LTBP2: variants seen among roughly 807,000 people sequenced by gnomAD.
The protein encoded by LTBP2 is latent transforming growth factor beta binding protein 2, also known as latent-transforming growth factor beta-binding protein 2.
Under a neutral mutation model 210.6 loss-of-function variants are expected in LTBP2, and 103 were observed. That is an observed-to-expected ratio of 0.49 (90% CI 0.42 to 0.58). The LOEUF is 0.58. LTBP2 is among the 20% of genes least tolerant of loss of function. The pLI, the probability that LTBP2 is intolerant of heterozygous loss-of-function variation, is 0.00. For synonymous variants in LTBP2, 1,007 were observed against 1,015.0 expected (o/e 0.99, Z 0.15); for missense variants, 2,313 against 2,494.5 (o/e 0.93, Z 1.55).
chr14:74,551,459 G>T, intron 6 of LTBP2, 109 bp from the exon 7 acceptor site: 1 of 1,078,422 alleles, frequency 9.3e-7, no homozygotes, highest in Non-Finnish European at 1.3e-6. Flanking sequence ...CTGGCTATGT[G>T]TCACCCCAAA....
In LTBP2 at chr14:74,498,651, G is replaced by A. The variant is rs2086877209; in HGVS notation, c.*2233C>T. The A allele has an allele frequency of 4.3e-6, 1 of 232,076 alleles. No homozygotes were observed. The highest frequency in any genetic ancestry group is 5.6e-5 in the Admixed American group (1 of 17,734). The allele number at this position is 232,076 out of a possible 1,614,324, so 14.4% of individuals were successfully genotyped here. ...GCAGGAAGGTGGAGATTGGAGTGTT[G>A]TGGGGGCAGTGGGAACAGCAGTTAC... On this transcript the variant is annotated 3_prime_UTR_variant, in exon 36 of 36. Coordinates refer to ENST00000261978, the MANE Select transcript of LTBP2 (RefSeq NM_000428.3).
intron 3 of LTBP2, among the ~76,000 whole-genome samples, chr14:74,564,367 TTA>T (rs372887593): frequency 0.12 from 3,981 of 33,026 alleles, 973 homozygotes; most frequent in Non-Finnish European, 0.22. Context: ...ATATATATAT[TTA>T]TATATATATA....
At chr14:74,507,609 T>C (rs1367865858) in intron 25 of LTBP2, among the ~76,000 whole-genome samples, 1 of 152,230 alleles carries the variant, frequency 6.6e-6, no homozygotes, top group Non-Finnish European at 1.5e-5. Flanking sequence ...TACTTCTCTT[T>C]ACACGAAGCC....
intron 31 of LTBP2, 102 bp from the exon 32 acceptor site, chr14:74,503,708 C>T (rs76132917): frequency 0.01 from 15,238 of 1,507,518 alleles, 87 homozygotes; most frequent in Non-Finnish European, 0.013. Context: ...GAGTTAGTGC[C>T]CTGCCTCCCT....
At position 74,549,849 on chromosome 14, in the gene LTBP2, A is replaced by C; in HGVS notation, c.1789+14T>G. Reference sequence around the variant, plus strand: ...CTTCCTCCACAACACGTGACCTTGGACTCCAGCACTCACCTGGTCTGGGTG... The same window carrying C: ...CTTCCTCCACAACACGTGACCTTGGCCTCCAGCACTCACCTGGTCTGGGTG... On this transcript the variant is annotated intron_variant, in intron 8 of 35. Transcript: ENST00000261978. 1 of 1,606,710 alleles carries C rather than the reference A, an allele frequency of 6.2e-7. No individual in the cohort carries two copies. Among genetic ancestry groups the C allele is most frequent in the Non-Finnish European group, 8.5e-7 (1 of 1,173,584 alleles).
chr14:74,561,388 A>G (rs186939218), intron 3 of LTBP2, among the ~76,000 whole-genome samples: 1 of 152,330 alleles, frequency 6.6e-6, no homozygotes, highest in East Asian at 1.9e-4. Flanking sequence ...TTTTATATAC[A>G]TCATCTTATC....
chr14:74,509,241 C>T lies in LTBP2; in HGVS notation c.3400G>A (p.Glu1134Lys), dbSNP rs748396734. The T allele has an allele frequency of 2.5e-6, 4 of 1,613,618 alleles. No individual in the cohort carries two copies. The highest frequency in any genetic ancestry group is 1.6e-4 in the Middle Eastern group (1 of 6,062). ...YRPSPLGDSC[E>K]DVDECEDPQS... ...TCTCCCACACAGAGGCTCATACCTTCACAGGAGTCACCCAGGGGGCTGGGC... is the reference window on the plus strand; with the variant it reads ...TCTCCCACACAGAGGCTCATACCTTTACAGGAGTCACCCAGGGGGCTGGGC... The change falls in exon 22 of 36, where the codon GAA (glutamate) becomes AAA (lysine). Residue 1134 changes from glutamate (E) to lysine (K), a missense_variant. Physicochemically the swap from Glu to Lys is moderately conservative, Grantham distance 56 (BLOSUM62 1). Coordinates refer to ENST00000261978, the MANE Select transcript of LTBP2 (RefSeq NM_000428.3).
rs986189142 is a variant in LTBP2, at chr14:74,506,787, C to T, written c.3944G>A (p.Ser1315Asn). ...ATCAGTGTTGTCACAGAAGCCGTGG[C>T]TGCCACACATGGTGTCGTTGGCGCA... ...DECANDTMCG[S>N]HGFCDNTDGS... Residue 1315 changes from serine to asparagine, a missense_variant, in exon 27 of 36, where the codon AGC becomes AAC. Transcript: ENST00000261978. 7.4e-6 allele frequency: 12 copies of T among 1,613,990 alleles called. No homozygotes were observed. The African/African-American group carries it at 1.6e-4, about 22-fold the overall frequency.
At chr14:74,595,374 A>G (rs2088345648) in intron 2 of LTBP2, among the ~76,000 whole-genome samples, 1 of 152,182 alleles carries the variant, frequency 6.6e-6, no homozygotes, top group Admixed American at 6.5e-5. Context: ...CAGGGCTGAG[A>G]GGCCTAGGCT....
Position 74,519,265 on chromosome 14 carries a change from G to A in LTBP2, c.2789-2324C>T, listed in dbSNP as rs862044. ...ATGTAGATAAGCTTAAAGGATAGAG[G>A]ACAAAATGGGAGCATTGCAATTTCT... On this transcript the variant is annotated intron_variant, in intron 17 of 35. Coordinates refer to ENST00000261978, the MANE Select transcript of LTBP2 (RefSeq NM_000428.3). Among the ~76,000 whole-genome samples the A allele has an allele frequency of 0.019, 2,844 of 152,034 alleles. 189 individuals carry two copies. In the East Asian group the frequency reaches 0.22, roughly 12 times the overall value.
At chr14:74,599,246 A>C (rs2088411975) in intron 2 of LTBP2, among the ~76,000 whole-genome samples, 1 of 152,238 alleles carries the variant, frequency 6.6e-6, no homozygotes, top group South Asian at 2.1e-4. Flanking sequence ...ACATGCTCTT[A>C]ATCTCGAGCC....
intron 11 of LTBP2, 36 bp downstream of exon 11, chr14:74,528,922 T>G: frequency 6.2e-7 from 1 of 1,606,600 alleles, no homozygotes; most frequent in South Asian, 1.1e-5. Context: ...CTTGAGCCCC[T>G]GGGCAGTGAA....
chr14:74,517,089 A>G (rs538649195), intron 17 of LTBP2, 148 bp from the exon 18 acceptor site: 65 of 1,050,740 alleles, frequency 6.2e-5, no homozygotes, highest in Admixed American at 2.2e-4. Flanking sequence ...TGCAGCCACA[A>G]TTGCCTGGAG....
intron 10 of LTBP2, 135 bp from the exon 11 acceptor site, chr14:74,529,257 T>G (rs930197522): frequency 1.9e-6 from 2 of 1,052,540 alleles, no homozygotes; most frequent in African/African-American, 3.2e-5. Flanking sequence ...GTTGGGAAGT[T>G]TGGAGCCCTG....
chr14:74,585,810 A>C, intron 3 of LTBP2, 44 bp downstream of exon 3: 9 of 1,613,810 alleles, frequency 5.6e-6, no homozygotes, highest in Non-Finnish European at 7.6e-6. Context: ...CTCCAAAAAG[A>C]GACTGAGCCC....
At chr14:74,546,439 G>T (rs1303110435) in intron 8 of LTBP2, among the ~76,000 whole-genome samples, 1 of 152,198 alleles carries the variant, frequency 6.6e-6, no homozygotes, top group African/African-American at 2.4e-5. Context: ...CACAAACAAG[G>T]CTCCCCAACG....
intron 9 of LTBP2, among the ~76,000 whole-genome samples, chr14:74,534,946 T>TC (rs1408512246): frequency 6.6e-6 from 1 of 151,908 alleles, no homozygotes; most frequent in Non-Finnish European, 1.5e-5. Flanking sequence ...ACCTTAAAGC[T>TC]CCAGATTGGG....
chr14:74,504,776 A>G lies in LTBP2; in HGVS notation c.4453+2T>C. On this transcript the variant is annotated splice_donor_variant, in intron 30 of 35. Coordinates refer to ENST00000261978, the MANE Select transcript of LTBP2 (RefSeq NM_000428.3). LOFTEE classifies it high-confidence loss of function. ...TTTGGGGCAGAGGATGGAGCAGATT[A>G]CCTGTGTACATGGTCTGTCCAAACG... The G allele has an allele frequency of 3.1e-6, 5 of 1,614,016 alleles. No homozygotes were observed. Among genetic ancestry groups the G allele is most frequent in the Non-Finnish European group, 4.2e-6 (5 of 1,179,878 alleles).
chr14:74,545,041 C>G (rs1156458757), intron 8 of LTBP2, among the ~76,000 whole-genome samples: 1 of 152,274 alleles, frequency 6.6e-6, no homozygotes, highest in Admixed American at 6.5e-5. Context: ...ATCTTCTTGA[C>G]GGATATAGCA....
Sources: allele counts gnomAD v4.1 joint callset (sites outside exome capture counted in the v4.1 genomes callset), GRCh38; gene constraint gnomAD v4.1.1; transcripts MANE v1.5; gene names NCBI Gene and HGNC (gene_info 2026-07-23, HGNC 2026-07-21).